Variants in ABTB2 observed in about 807,000 individuals in gnomAD.
ABTB2 encodes ankyrin repeat and BTB domain containing 2.
Under a neutral mutation model 104.1 loss-of-function variants are expected in ABTB2, and 56 were observed. The ratio of observed to expected loss-of-function variants is 0.54; its 90% confidence interval spans 0.43 to 0.67. ABTB2 has a LOEUF of 0.67. Ranked by LOEUF, ABTB2 falls within the 30% of genes least tolerant of loss-of-function variation. The pLI is 0.00. For missense variants in ABTB2, 1,279 were observed against 1,407.7 expected, an observed-to-expected ratio of 0.91 and a Z score of 1.46; for synonymous variants, 606 against 608.2, an observed-to-expected ratio of 1.00 and a Z score of 0.05.
At chr11:34,199,862 A>C (rs557528513) in intron 2 of ABTB2, among the ~76,000 whole-genome samples, 2 of 152,156 alleles carry the variant, frequency 1.3e-5, no homozygotes, top group Non-Finnish European at 2.9e-5. Flanking sequence ...TGAACATAGC[A>C]CTGTTATAAT....
chr11:34,296,224 G>A (rs1854621953), intron 1 of ABTB2, among the ~76,000 whole-genome samples: 1 of 152,168 alleles, frequency 6.6e-6, no homozygotes, highest in South Asian at 2.1e-4. Context: ...AGCAGGGAGA[G>A]GGCAGAGTTG....
intron 1 of ABTB2, among the ~76,000 whole-genome samples, chr11:34,225,594 A>G (rs1483125615): frequency 3.3e-5 from 5 of 152,064 alleles, no homozygotes; most frequent in Non-Finnish European, 7.4e-5. Context: ...CGTCTCTACT[A>G]AAAATACAAA....
intron 1 of ABTB2, among the ~76,000 whole-genome samples, chr11:34,278,771 G>A (rs1223845219): frequency 2.6e-5 from 4 of 152,176 alleles, no homozygotes; most frequent in Non-Finnish European, 4.4e-5. Context: ...TTTCACTGGC[G>A]CCTTCATAAG....
intron 1 of ABTB2, among the ~76,000 whole-genome samples, chr11:34,281,306 T>A (rs1382308449): frequency 2.0e-5 from 3 of 152,200 alleles, no homozygotes; most frequent in South Asian, 2.1e-4. Flanking sequence ...CAATCTTAGA[T>A]CCCAGGTCCT....
intron 1 of ABTB2, among the ~76,000 whole-genome samples, chr11:34,336,483 A>T (rs150316627): frequency 8.5e-5 from 13 of 152,080 alleles, no homozygotes; most frequent in Non-Finnish European, 1.2e-4. Flanking sequence ...TCTATAAAAA[A>T]TTTTAAAAAA....
chr11:34,337,125 C>T (rs955481775), intron 1 of ABTB2, among the ~76,000 whole-genome samples: 5 of 152,230 alleles, frequency 3.3e-5, no homozygotes, highest in African/African-American at 4.8e-5. Context: ...TGAGTGGATT[C>T]GGATGAGTGC....
chr11:34,242,021 T>A (rs1283405365), intron 1 of ABTB2, among the ~76,000 whole-genome samples: 1 of 152,232 alleles, frequency 6.6e-6, no homozygotes, highest in Non-Finnish European at 1.5e-5. Context: ...ATGCAGAAGC[T>A]GCGAGGAGAT....
chr11:34,334,886 A>G (rs187124188), intron 1 of ABTB2, among the ~76,000 whole-genome samples: 1 of 152,330 alleles, frequency 6.6e-6, no homozygotes, highest in Admixed American at 6.5e-5. Context: ...CCTAGTTACA[A>G]GCTAATTACC....
At chr11:34,282,920 T>G (rs1415899184) in intron 1 of ABTB2, among the ~76,000 whole-genome samples, 2 of 151,740 alleles carry the variant, frequency 1.3e-5, no homozygotes, top group Non-Finnish European at 2.9e-5. Context: ...TTTTTCTTTT[T>G]TTTTTTGAGA....
rs1247385460 is a variant in ABTB2 at position 34,357,164 on chromosome 11, G to T, written c.420C>A (p.Ala140=). 2.0e-6 allele frequency: 3 copies of T among 1,496,004 alleles called. No individual in the cohort carries two copies. In the African/African-American group the frequency reaches 4.3e-5, roughly 21 times the overall value. 92.7% of individuals were successfully genotyped at this position (1,496,004 alleles called of 1,614,324 possible). A position where few individuals can be genotyped will look rare whatever the true frequency, so the allele number is the denominator to read the frequency against. ...GLLRRALIRV[A]REAQRLSVLH... Reference sequence around the variant, plus strand: ...GCACGCTCAGGCGCTGCGCCTCGCGGGCCACGCGGATCAGTGCCCTGCGGA... The same window carrying T: ...GCACGCTCAGGCGCTGCGCCTCGCGTGCCACGCGGATCAGTGCCCTGCGGA... The change falls in exon 1 of 17, where the codon GCC becomes GCA. Residue 140 remains alanine, a synonymous_variant. Transcript: ENST00000435224.
chr11:34,188,971 A>G (rs1210621592), intron 3 of ABTB2, among the ~76,000 whole-genome samples: 2 of 152,164 alleles, frequency 1.3e-5, no homozygotes, highest in Non-Finnish European at 2.9e-5. Flanking sequence ...TCTCTACCTT[A>G]TGCAGGAGGA....
rs776209758 is a variant in ABTB2, at chr11:34,167,316, G to T, written c.1698C>A (p.Ser566Arg). 1 of 1,613,506 alleles carries T rather than the reference G, an allele frequency of 6.2e-7. No individual in the cohort carries two copies. Among genetic ancestry groups the T allele is most frequent in the Admixed American group, 1.7e-5 (1 of 59,962 alleles). Residue 566 changes from serine (S) to arginine (R), a missense_variant, in exon 7 of 17, where the codon AGC (serine) becomes AGA (arginine). Ser to Arg is a moderately radical substitution (Grantham distance 110). Transcript: ENST00000435224. ...SPRHPSIHPD[S>R]RHWTSLTFAV... ...CGAATGTCAGTGAGGTCCAGTGCCG[G>T]CTGTCGGGGTGGATGGAAGGGTGCC...
chr11:34,349,799 C>A (rs941194673), intron 1 of ABTB2, among the ~76,000 whole-genome samples: 1 of 152,192 alleles, frequency 6.6e-6, no homozygotes, highest in East Asian at 1.9e-4. Flanking sequence ...CCAAGACAAC[C>A]TCATGACAAA....
At position 34,345,535 on chromosome 11, in the gene ABTB2, A is replaced by G. The variant is rs200312736; in HGVS notation, c.883+11166T>C. ...CCCCTACACAGTCCTCAGACTCCCC[A>G]CCCCCGCCATCATCATTTGTCTCCT... On this transcript the variant is annotated intron_variant, in intron 1 of 16. Transcript: ENST00000435224. Among the ~76,000 whole-genome samples, 9 of 147,528 alleles carry G rather than the reference A, an allele frequency of 6.1e-5. No homozygotes were observed. The East Asian group carries it at 1.8e-3, about 29-fold the overall frequency.
chr11:34,225,359 G>C (rs1853672475), intron 1 of ABTB2, among the ~76,000 whole-genome samples: 1 of 152,216 alleles, frequency 6.6e-6, no homozygotes, highest in South Asian at 2.1e-4. Context: ...CACTGTTATG[G>C]CTGAAGTCGC....
At chr11:34,294,256 G>C (rs952384554) in intron 1 of ABTB2, among the ~76,000 whole-genome samples, 1 of 152,174 alleles carries the variant, frequency 6.6e-6, no homozygotes, top group Non-Finnish European at 1.5e-5. Context: ...CTTGAGCCTG[G>C]GGTCATTGAG....
In ABTB2 at chr11:34,357,501, C is replaced by T. The variant is rs555345847; in HGVS notation, c.83G>A (p.Arg28His). The change falls in exon 1 of 17, where the codon CGC becomes CAC. Residue 28 changes from arginine to histidine, a missense_variant. Arg to His is a conservative substitution (Grantham distance 29, BLOSUM62 0). Coordinates refer to ENST00000435224, the MANE Select transcript of ABTB2 (RefSeq NM_145804.3). The stretch of plus-strand genomic sequence containing the variant: ...CTTGGAGGACGAGAGGCTGAGCGAG[C>T]GGCACGAGTCCCCGGCCCCATACCC... ...DSGYGAGDSCRSLSLSSSKSN... is the reference protein window; with the variant it reads ...DSGYGAGDSCHSLSLSSSKSN... The T allele has an allele frequency of 1.3e-6, 2 of 1,542,084 alleles. No homozygotes were observed. The highest frequency in any genetic ancestry group is 8.7e-7 in the Non-Finnish European group (1 of 1,146,748).
chr11:34,297,518 G>A (rs1442264390), intron 1 of ABTB2, among the ~76,000 whole-genome samples: 2 of 152,088 alleles, frequency 1.3e-5, no homozygotes, highest in African/African-American at 4.8e-5. Context: ...TTGGCTGGGC[G>A]TGGTGACTCA....
At chr11:34,181,931 T>A (rs918371815) in intron 3 of ABTB2, among the ~76,000 whole-genome samples, 11 of 152,200 alleles carry the variant, frequency 7.2e-5, no homozygotes, top group Non-Finnish European at 1.0e-4. Context: ...TGGGGTTGAA[T>A]GGGGTCACAT....
Sources: allele counts gnomAD v4.1 joint callset (sites outside exome capture counted in the v4.1 genomes callset), GRCh38; gene constraint gnomAD v4.1.1; transcripts MANE v1.5; gene names NCBI Gene and HGNC (gene_info 2026-07-23, HGNC 2026-07-21).